Variants in SLC43A2 observed in about 807,000 individuals in gnomAD.
SLC43A2 encodes the protein large neutral amino acids transporter small subunit 4.
A neutral mutation model predicts 63.2 loss-of-function variants in SLC43A2; 38 were observed. That is an observed-to-expected ratio of 0.60 (90% CI 0.46 to 0.79). The LOEUF (loss-of-function observed/expected upper bound fraction) is 0.79. SLC43A2 is among the 30% of genes least tolerant of loss of function. The pLI, the probability that SLC43A2 is intolerant of heterozygous loss-of-function variation, is 0.00. For synonymous variants in SLC43A2, 322 were observed against 331.0 expected (o/e 0.97, Z 0.30); for missense variants, 644 against 756.2 (o/e 0.85, Z 1.74).
chr17:1,591,473 T>C lies in SLC43A2; in HGVS notation c.729-2A>G. The C allele has an allele frequency of 3.1e-6, 5 of 1,612,280 alleles. No individual in the cohort carries two copies. Among genetic ancestry groups the C allele is most frequent in the South Asian group, 1.1e-5 (1 of 91,052 alleles). ...AGCCAGCTGAACTTGATCTTCACCC[T>C]GGGGCCCCGGGAGAGTGTCTGTGGG... On this transcript the variant is annotated splice_acceptor_variant, in intron 7 of 13. Transcript: ENST00000301335. LOFTEE classifies it high-confidence loss of function.
In SLC43A2 at chr17:1,572,580, C is replaced by T. The variant is rs1391324486; in HGVS notation, c.*3024G>A. ...AACAATAGGAAAACATGTCACCTGT[C>T]AGCTCCACACAAGGCAAAGTAGGAT... is the stretch of plus-strand genomic sequence containing the variant. On this transcript the variant is annotated 3_prime_UTR_variant, in exon 14 of 14. Coordinates refer to ENST00000301335, the MANE Select transcript of SLC43A2 (RefSeq NM_152346.3). The T allele has an allele frequency of 6.6e-6, 1 of 152,290 alleles. No individual in the cohort carries two copies. The highest frequency in any genetic ancestry group is 1.5e-5 in the Non-Finnish European group (1 of 68,076). 9.4% of individuals were successfully genotyped at this position (152,290 alleles called of 1,614,324 possible).
intron 5 of SLC43A2, among the ~76,000 whole-genome samples, chr17:1,601,278 G>A (rs188688483): frequency 1.3e-5 from 2 of 152,140 alleles, no homozygotes; most frequent in African/African-American, 4.8e-5. Context: ...AATGAAACCT[G>A]TGGGCATGAA....
chr17:1,581,465 T>C (rs2151031699), intron 11 of SLC43A2, among the ~76,000 whole-genome samples: 1 of 152,350 alleles, frequency 6.6e-6, no homozygotes, highest in Non-Finnish European at 1.5e-5. Context: ...CGCTGCGCTC[T>C]GCACGCCCAG....
rs371262651 is a variant in SLC43A2, at chr17:1,573,016, GA to G, written c.*2587del. ...AGCAAGAATTCATCTTTATGAAAAA[GA>G]AAAAAAAAATTAGCCAGGCATGGTG... is the stretch of plus-strand genomic sequence containing the variant. On this transcript the variant is annotated 3_prime_UTR_variant, in exon 14 of 14. Transcript: ENST00000301335. 3,705 of 148,338 alleles carry G rather than the reference GA, an allele frequency of 0.025. 69 individuals are homozygous for G. Among genetic ancestry groups the G allele is most frequent in the South Asian group, 0.06 (279 of 4,688 alleles). 9.2% of individuals were successfully genotyped at this position (148,338 alleles called of 1,614,324 possible).
chr17:1,617,165 G>A (rs1907757814), intron 2 of SLC43A2, among the ~76,000 whole-genome samples: 2 of 152,184 alleles, frequency 1.3e-5, no homozygotes, highest in South Asian at 4.1e-4. Context: ...TGGCTGTGGG[G>A]CCCCAGGCTG....
In SLC43A2 at chr17:1,577,288, G is replaced by A. The variant is rs996188410; in HGVS notation, c.1425-568C>T. Among the ~76,000 whole-genome samples, 1 of 152,238 alleles carries A rather than the reference G, an allele frequency of 6.6e-6. No homozygotes were observed. Among genetic ancestry groups the A allele is most frequent in the Non-Finnish European group, 1.5e-5 (1 of 68,050 alleles). On this transcript the variant is annotated intron_variant, in intron 12 of 13. Coordinates refer to ENST00000301335, the MANE Select transcript of SLC43A2 (RefSeq NM_152346.3). This position sits in a 1 kb window ranked among gnomAD's most constrained non-coding sequence, Gnocchi z 4.9. The stretch of plus-strand genomic sequence containing the variant: ...TGTCTGGCTGAGCCGAGTGGAAAGC[G>A]TGGTGCCAGCGGGGACCTGCGGTTT...
chr17:1,591,336 C>T lies in SLC43A2; in HGVS notation c.864G>A (p.Leu288=), dbSNP rs1178839460. The T allele has an allele frequency of 6.2e-7, 1 of 1,609,906 alleles. No homozygotes were observed. Among genetic ancestry groups the T allele is most frequent in the African/African-American group, 1.3e-5 (1 of 75,060 alleles). The change falls in exon 8 of 14, where the codon CTG becomes CTA. Residue 288 remains leucine (L), a synonymous_variant. Transcript: ENST00000301335. The stretch of plus-strand genomic sequence containing the variant: ...ACAGGCACAGCTTGTGGCCCTCCTG[C>T]AGCGCCACCTGCTCCTTGGCACTCC... ...SMRSAKEQVA[L]QEGHKLCLST...
At chr17:1,613,733 A>G (rs1598485151) in intron 4 of SLC43A2, among the ~76,000 whole-genome samples, 1 of 152,142 alleles carries the variant, frequency 6.6e-6, no homozygotes, top group African/African-American at 2.4e-5. Flanking sequence ...CACCATGCCC[A>G]GCCTCCTCTT....
At chr17:1,619,858 G>A (rs1907994671) in intron 2 of SLC43A2, among the ~76,000 whole-genome samples, 1 of 152,232 alleles carries the variant, frequency 6.6e-6, no homozygotes, top group African/African-American at 2.4e-5. Context: ...GTGACTTGTG[G>A]GGACAGTGAC....
At chr17:1,586,722 C>A (rs544997059) in intron 9 of SLC43A2, among the ~76,000 whole-genome samples, 1 of 152,058 alleles carries the variant, frequency 6.6e-6, no homozygotes. Context: ...CAGAAAGGCA[C>A]CGCTCACGGG....
At chr17:1,598,086 G>A (rs1447277638) in intron 5 of SLC43A2, among the ~76,000 whole-genome samples, 1 of 152,176 alleles carries the variant, frequency 6.6e-6, no homozygotes, top group African/African-American at 2.4e-5. Flanking sequence ...AAGGAGGGAA[G>A]TGTTCCTGCC....
At position 1,585,948 on chromosome 17, in the gene SLC43A2, G is replaced by C. The variant is rs376632654; in HGVS notation, c.1182C>G (p.Asp394Glu). Residue 394 changes from aspartate to glutamate, a missense_variant, in exon 10 of 14, where the codon GAC becomes GAG. Around this residue, in one of 3 missense-constraint regions of SLC43A2, gnomAD observed 528 missense variants for 623.6 expected, o/e 0.85. Coordinates refer to ENST00000301335, the MANE Select transcript of SLC43A2 (RefSeq NM_152346.3). ...IMDWRLKECEDASEEPEEKDA... is the reference protein window; with the variant it reads ...IMDWRLKECEEASEEPEEKDA... ...CTTTCTCCTCGGGCTCCTCGGAGGC[G>C]TCTTCACACTCCTTCAGCCTCCAGT... is the stretch of plus-strand genomic sequence containing the variant. 9 of 1,613,530 alleles carry C rather than the reference G, an allele frequency of 5.6e-6. No homozygotes were observed. The highest frequency in any genetic ancestry group is 7.6e-6 in the Non-Finnish European group (9 of 1,180,034).
chr17:1,628,702 C>CTT (rs5818817), intron 1 of SLC43A2, 92 bp downstream of exon 1: 148,920 of 152,400 alleles, frequency 0.98, 72,872 homozygotes, highest in East Asian at 1. Context: ...TCTCTCTCCT[C>CTT]GTTCCCACGT....
intron 9 of SLC43A2, among the ~76,000 whole-genome samples, chr17:1,589,289 G>A (rs547322215): frequency 6.6e-6 from 1 of 152,272 alleles, no homozygotes; most frequent in South Asian, 2.1e-4. Context: ...GCACACTTTG[G>A]GGTTTCCGCC....
rs924372545 is a variant in SLC43A2 at position 1,571,987 on chromosome 17, C to T, written c.*3617G>A. 5 of 152,478 alleles carry T rather than the reference C, an allele frequency of 3.3e-5. No homozygotes were observed. Among genetic ancestry groups the T allele is most frequent in the African/African-American group, 9.7e-5 (4 of 41,418 alleles). The allele number at this position is 152,478 out of a possible 1,614,324, so 9.4% of individuals were successfully genotyped here. A position where few individuals can be genotyped will look rare whatever the true frequency, so the allele number is the denominator to read the frequency against. ...AGGGAGCCCTTCCTGCTCCTTCCCG[C>T]CAGAGCCTGGAGGATGAGGGGCAGA... On this transcript the variant is annotated 3_prime_UTR_variant, in exon 14 of 14. Coordinates refer to ENST00000301335, the MANE Select transcript of SLC43A2 (RefSeq NM_152346.3). This position sits in a 1 kb window ranked among gnomAD's most constrained non-coding sequence, Gnocchi z 5.2.
intron 5 of SLC43A2, among the ~76,000 whole-genome samples, chr17:1,596,642 C>CGATCT (rs1905300222): frequency 6.6e-6 from 1 of 151,808 alleles, no homozygotes; most frequent in South Asian, 2.1e-4. Flanking sequence ...TGCAGTGGTG[C>CGATCT]GATCTCGGCC....
At chr17:1,597,883 C>T (rs1001846212) in intron 5 of SLC43A2, among the ~76,000 whole-genome samples, 4 of 152,362 alleles carry the variant, frequency 2.6e-5, no homozygotes, top group South Asian at 4.1e-4. Flanking sequence ...TGTGCTCACA[C>T]GTGCCCAGGC....
chr17:1,581,062 A>G (rs1352117446), intron 11 of SLC43A2, among the ~76,000 whole-genome samples: 15 of 151,454 alleles, frequency 9.9e-5, no homozygotes, highest in Non-Finnish European at 1.3e-4. Context: ...CCTCTTGGCC[A>G]CCAGGTCCCT....
chr17:1,616,095 T>G (rs973330818), intron 3 of SLC43A2, among the ~76,000 whole-genome samples: 3 of 150,542 alleles, frequency 2.0e-5, no homozygotes, highest in Non-Finnish European at 4.4e-5. Context: ...TAATTCCATG[T>G]GCTTATTATA....
Sources: gnomAD v4.1 joint callset for allele counts (sites outside exome capture counted in the v4.1 genomes callset) on GRCh38, gnomAD v4.1.1 for gene constraint, gnomAD v4.1.1 regional missense constraint, Gnocchi (gnomAD v3.1) non-coding constraint, MANE v1.5 for transcripts, NCBI Gene and HGNC (gene_info 2026-07-23, HGNC 2026-07-21) for gene names.